Variants in NAALADL2 observed in about 807,000 individuals in gnomAD.
NAALADL2 encodes the protein N-acetylated alpha-linked acidic dipeptidase like 2.
In NAALADL2, 76 loss-of-function variants were observed where a neutral mutation model predicts 87.2. The observed-to-expected ratio is 0.87, with a 90% CI of 0.72 to 1.05. The LOEUF is 1.05. Ranked by LOEUF, NAALADL2 falls within the 50% of genes least tolerant of loss-of-function variation. NAALADL2 has a pLI of 0.00. For missense variants in NAALADL2, 1,089 were observed against 945.8 expected, an observed-to-expected ratio of 1.15 and a Z score of -1.99; for synonymous variants, 354 against 331.0, an observed-to-expected ratio of 1.07 and a Z score of -0.75.
chr3:174,886,760 A>G (rs1233092570), intron 1 of NAALADL2, among the ~76,000 whole-genome samples: 1 of 152,218 alleles, frequency 6.6e-6, no homozygotes, highest in African/African-American at 2.4e-5. Flanking sequence ...GATAATAGCA[A>G]AAATGAGTGG....
At chr3:175,592,900 T>G (rs936433645) in intron 10 of NAALADL2, among the ~76,000 whole-genome samples, 12 of 151,032 alleles carry the variant, frequency 7.9e-5, no homozygotes, top group African/African-American at 2.2e-4. Context: ...AATAATAAAA[T>G]AAAAAAAAGA....
At position 174,713,362 on chromosome 3, in the gene NAALADL2, C is replaced by A. The variant is rs932549070; in HGVS notation, c.-114-24279C>A. Reference sequence around the variant, plus strand: ...TCAAATGGTATTTCTAGTTCTAGATCCCTGAGGAATCGCCACACTGACTTC... The same window carrying A: ...TCAAATGGTATTTCTAGTTCTAGATACCTGAGGAATCGCCACACTGACTTC... On this transcript the variant is annotated intron_variant, in intron 2 of 3. Coordinates refer to the NAALADL2 transcript ENST00000434257. Among the ~76,000 whole-genome samples the A allele has an allele frequency of 2.0e-5, 3 of 152,110 alleles. No homozygotes were observed. In the South Asian group the frequency reaches 6.2e-4, roughly 32 times the overall value.
chr3:175,120,087 A>G (rs1480614882), intron 2 of NAALADL2, among the ~76,000 whole-genome samples: 1 of 151,394 alleles, frequency 6.6e-6, no homozygotes, highest in East Asian at 2.0e-4. Context: ...ATGTACCGTC[A>G]ACAGTATTTG....
chr3:175,274,322 G>A lies in NAALADL2; in HGVS notation c.939+17792G>A, dbSNP rs770918503. ...TTACCTCCCAAGGGCTTCCTCCCAC[G>A]ACACGTGGGGATTATTACAATTCAA... is the stretch of plus-strand genomic sequence containing the variant. On this transcript the variant is annotated intron_variant, in intron 4 of 13. Transcript: ENST00000454872. 3.9e-5 allele frequency among the ~76,000 whole-genome samples: 6 copies of A among 152,248 alleles called. No homozygotes were observed. The South Asian group carries it at 6.2e-4, about 16-fold the overall frequency.
At chr3:174,793,162 CTT>C (rs1717665903) in intron 3 of NAALADL2, among the ~76,000 whole-genome samples, 1 of 151,928 alleles carries the variant, frequency 6.6e-6, no homozygotes. Flanking sequence ...CTTGTTTTGT[CTT>C]GTTTTGTTCT....
chr3:174,529,567 G>A (rs1721057571), intron 1 of NAALADL2, among the ~76,000 whole-genome samples: 2 of 152,188 alleles, frequency 1.3e-5, no homozygotes, highest in African/African-American at 4.8e-5. Flanking sequence ...CCTAGCAGAG[G>A]TTCTCCATGA....
chr3:175,588,602 G>T (rs185596844), intron 10 of NAALADL2, among the ~76,000 whole-genome samples: 2 of 131,482 alleles, frequency 1.5e-5, no homozygotes, highest in African/African-American at 5.7e-5. Flanking sequence ...GCAGTGGCAC[G>T]ATCTCGGCTC....
At chr3:174,743,958 T>C (rs1271104286) in intron 3 of NAALADL2, among the ~76,000 whole-genome samples, 3 of 151,846 alleles carry the variant, frequency 2.0e-5, no homozygotes, top group Non-Finnish European at 4.4e-5. Flanking sequence ...ATACAAGGAG[T>C]GCAGGGTATT....
chr3:175,204,726 G>T (rs1034019863), intron 2 of NAALADL2, among the ~76,000 whole-genome samples: 1 of 152,112 alleles, frequency 6.6e-6, no homozygotes, highest in Non-Finnish European at 1.5e-5. Context: ...TCCTAGAACT[G>T]ATATAAGAAT....
rs139731488 is a variant in NAALADL2 at position 174,790,887 on chromosome 3, G to A, written c.-9+53141G>A. 6.4e-3 allele frequency among the ~76,000 whole-genome samples: 973 copies of A among 151,980 alleles called. 9 individuals carry two copies. Among genetic ancestry groups the A allele is most frequent in the Middle Eastern group, 0.024 (7 of 294 alleles). The stretch of plus-strand genomic sequence containing the variant: ...TATAGTTATTTATATATGTTCTTGT[G>A]GATATTGTTGAGATACAATTTACAT... On this transcript the variant is annotated intron_variant, in intron 3 of 3. Transcript: ENST00000434257.
chr3:174,595,916 G>T (rs577915804), intron 2 of NAALADL2, among the ~76,000 whole-genome samples: 1 of 152,146 alleles, frequency 6.6e-6, no homozygotes, highest in Non-Finnish European at 1.5e-5. Flanking sequence ...GGAGGCTGAG[G>T]CAGGAGAATT....
At chr3:174,656,859 T>A (rs1724989417) in intron 2 of NAALADL2, among the ~76,000 whole-genome samples, 2 of 152,020 alleles carry the variant, frequency 1.3e-5, no homozygotes, top group African/African-American at 4.8e-5. Context: ...ATAAGGCCGG[T>A]CTGTTTCATC....
At chr3:174,702,424 T>C (rs988356656) in intron 2 of NAALADL2, among the ~76,000 whole-genome samples, 1 of 152,182 alleles carries the variant, frequency 6.6e-6, no homozygotes, top group Non-Finnish European at 1.5e-5. Flanking sequence ...TGGGGATACA[T>C]TGAAGAGTGA....
chr3:174,859,001 T>C (rs552384466), upstream of NAALADL2, among the ~76,000 whole-genome samples: 5 of 152,228 alleles, frequency 3.3e-5, no homozygotes, highest in South Asian at 2.1e-4. Context: ...TTAAATTTGA[T>C]TTCTGTAGGA....
intron 3 of NAALADL2, among the ~76,000 whole-genome samples, chr3:174,853,537 A>G (rs1725506139): frequency 1.3e-5 from 2 of 152,236 alleles, no homozygotes; most frequent in Middle Eastern, 3.4e-3. Context: ...GACAAATGGG[A>G]TCACACCAAA....
At chr3:175,628,804 G>A (rs183954919) in intron 11 of NAALADL2, among the ~76,000 whole-genome samples, 2 of 150,396 alleles carry the variant, frequency 1.3e-5, no homozygotes, top group African/African-American at 2.4e-5. Flanking sequence ...GAATGAGTTC[G>A]GAATACAAAG....
intron 1 of NAALADL2, among the ~76,000 whole-genome samples, chr3:175,070,743 AT>A (rs1310989776): frequency 6.6e-6 from 1 of 152,084 alleles, no homozygotes; most frequent in Non-Finnish European, 1.5e-5. Flanking sequence ...CTTTGAATGA[AT>A]TGCTTTGGAT....
At chr3:175,376,214 T>A (rs527415806) in intron 5 of NAALADL2, among the ~76,000 whole-genome samples, 2 of 152,270 alleles carry the variant, frequency 1.3e-5, no homozygotes, top group South Asian at 2.1e-4. Flanking sequence ...TCATTTCTTT[T>A]CGTATCTCTG....
At chr3:175,221,971 G>T (rs1383403914) in intron 2 of NAALADL2, among the ~76,000 whole-genome samples, 1 of 151,846 alleles carries the variant, frequency 6.6e-6, no homozygotes, top group Admixed American at 6.6e-5. Context: ...TAGTAGAGTT[G>T]GGGTTTCACC....
Sources: gnomAD v4.1 joint callset for allele counts (sites outside exome capture counted in the v4.1 genomes callset) on GRCh38, gnomAD v4.1.1 for gene constraint, MANE v1.5 for transcripts, NCBI Gene and HGNC (gene_info 2026-07-23, HGNC 2026-07-21) for gene names.